Variants in SPTLC3 observed in about 807,000 individuals in gnomAD.
SPTLC3 encodes serine palmitoyltransferase 3.
In SPTLC3, 36 loss-of-function variants were observed where a neutral mutation model predicts 59.3. The observed-to-expected ratio is 0.61, with a 90% confidence interval of 0.47 to 0.80. SPTLC3 has a LOEUF of 0.80. Ranked by LOEUF, SPTLC3 falls within the 30% of genes least tolerant of loss-of-function variation. SPTLC3 has a pLI of 0.00. For missense variants in SPTLC3, 625 were observed against 685.1 expected, an observed-to-expected ratio of 0.91 and a Z score of 0.98; for synonymous variants, 257 against 240.8, an observed-to-expected ratio of 1.07 and a Z score of -0.62.
chr20:13,054,430 A>G (rs1987632074), intron 2 of SPTLC3, among the ~76,000 whole-genome samples: 1 of 152,162 alleles, frequency 6.6e-6, no homozygotes, highest in African/African-American at 2.4e-5. Flanking sequence ...AGACATTAAG[A>G]GGTTGATGCA....
intron 4 of SPTLC3, among the ~76,000 whole-genome samples, chr20:13,084,079 G>A (rs192749718): frequency 1.3e-4 from 20 of 152,202 alleles, no homozygotes; most frequent in African/African-American, 2.9e-4. Flanking sequence ...TCTCTGCTTC[G>A]CATACCTTGA....
rs561558915 is a variant in SPTLC3 at position 13,064,284 on chromosome 20, GTTTTGTTTTTGTTTTTGT to G, written c.304-7944_304-7927del. 4.9e-3 allele frequency among the ~76,000 whole-genome samples: 646 copies of G among 132,522 alleles called. 14 individuals are homozygous for G. The highest frequency in any genetic ancestry group is 0.018 in the African/African-American group (606 of 34,440). The allele number at this position is 132,522 out of a possible 152,430, so 86.9% of individuals were successfully genotyped here. A position where few individuals can be genotyped will look rare whatever the true frequency, so the allele number is the denominator to read the frequency against. On this transcript the variant is annotated intron_variant, in intron 2 of 11. Transcript: ENST00000399002. ...CTTTTTCCTTTTCTTTTTTTTTTTTGTTTTGTTTTTGTTTTTGTTTTTGTTTTTGTTTTTGTTTTTGTT... is the reference window on the plus strand; with the variant it reads ...CTTTTTCCTTTTCTTTTTTTTTTTTGTTTTGTTTTTGTTTTTGTTTTTGTT...
intron 7 of SPTLC3, among the ~76,000 whole-genome samples, chr20:13,111,454 C>G (rs1990228002): frequency 6.6e-6 from 1 of 152,148 alleles, no homozygotes; most frequent in Non-Finnish European, 1.5e-5. Context: ...GCCAAGCATC[C>G]TACGATGCAT....
At chr20:13,091,519 G>T (rs1056412545) in intron 5 of SPTLC3, among the ~76,000 whole-genome samples, 5 of 151,126 alleles carry the variant, frequency 3.3e-5, no homozygotes, top group Non-Finnish European at 7.4e-5. Context: ...GTTGCAATGA[G>T]CCGAGATCGG....
At chr20:13,070,324 T>C (rs1988390058) in intron 2 of SPTLC3, among the ~76,000 whole-genome samples, 1 of 152,214 alleles carries the variant, frequency 6.6e-6, no homozygotes, top group South Asian at 2.1e-4. Context: ...AGTATACTTT[T>C]TCCCCAAGAA....
chr20:13,010,728 T>A (rs1462188103), intron 1 of SPTLC3, among the ~76,000 whole-genome samples: 1 of 152,226 alleles, frequency 6.6e-6, no homozygotes, highest in Non-Finnish European at 1.5e-5. Context: ...CTGGAATGCC[T>A]GTAACTCACA....
chr20:13,029,201 T>G (rs1986306385), intron 1 of SPTLC3, among the ~76,000 whole-genome samples: 1 of 152,164 alleles, frequency 6.6e-6, no homozygotes, highest in Admixed American at 6.6e-5. Flanking sequence ...TGGTTCATTC[T>G]TAGCAAGACA....
chr20:13,039,113 G>T (rs1320074696), intron 1 of SPTLC3, among the ~76,000 whole-genome samples: 2 of 152,090 alleles, frequency 1.3e-5, no homozygotes, highest in Non-Finnish European at 2.9e-5. Flanking sequence ...GGGGAGACGT[G>T]TTCCATAGAT....
At position 13,040,682 on chromosome 20, in the gene SPTLC3, C is replaced by T. The variant is rs114939089; in HGVS notation, c.118-8263C>T. 1.4e-3 allele frequency among the ~76,000 whole-genome samples: 208 copies of T among 145,510 alleles called. 1 individual carries two copies. Among genetic ancestry groups the T allele is most frequent in the African/African-American group, 5.0e-3 (199 of 40,134 alleles). The stretch of plus-strand genomic sequence containing the variant: ...TCATAATCACCTTTGCCTGTGCCCC[C>T]TTTTTTTTTTTTGGTTGGATTTGAA... On this transcript the variant is annotated intron_variant, in intron 1 of 11. Coordinates refer to ENST00000399002, the MANE Select transcript of SPTLC3 (RefSeq NM_018327.4).
intron 2 of SPTLC3, among the ~76,000 whole-genome samples, chr20:13,067,161 G>A (rs1368782123): frequency 7.9e-6 from 1 of 126,996 alleles, no homozygotes; most frequent in Non-Finnish European, 1.7e-5. Flanking sequence ...AGTTTTCCAG[G>A]GCCAGTAGAT....
rs150175752 is a variant in SPTLC3, at chr20:13,043,028, C to G, written c.118-5917C>G. Among the ~76,000 whole-genome samples the G allele has an allele frequency of 8.2e-3, 1,253 of 152,214 alleles. 16 individuals carry two copies. The highest frequency in any genetic ancestry group is 0.028 in the African/African-American group (1,179 of 41,522). On this transcript the variant is annotated intron_variant, in intron 1 of 11. Coordinates refer to ENST00000399002, the MANE Select transcript of SPTLC3 (RefSeq NM_018327.4). ...ACACCATATAATGTTTAAAGTAAATCTCTTATTCTATAACACTCACAGTGG... is the reference window on the plus strand; with the variant it reads ...ACACCATATAATGTTTAAAGTAAATGTCTTATTCTATAACACTCACAGTGG...
intron 7 of SPTLC3, 95 bp downstream of exon 7, chr20:13,110,312 G>A: frequency 1.9e-6 from 2 of 1,051,122 alleles, no homozygotes; most frequent in Non-Finnish European, 1.4e-6. Context: ...ACAGAGAAAT[G>A]ACTTAGAATT....
At chr20:13,104,004 T>G (rs750396172) in intron 6 of SPTLC3, among the ~76,000 whole-genome samples, 21 of 152,168 alleles carry the variant, frequency 1.4e-4, no homozygotes, top group Non-Finnish European at 3.1e-4. Context: ...TTGCTATTAT[T>G]AGGGTTTTGA....
chr20:13,019,700 A>G (rs1985765047), intron 1 of SPTLC3, among the ~76,000 whole-genome samples: 1 of 152,194 alleles, frequency 6.6e-6, no homozygotes, highest in South Asian at 2.1e-4. Flanking sequence ...CTCAGATTTC[A>G]TAGTCAGTGG....
intron 2 of SPTLC3, among the ~76,000 whole-genome samples, chr20:13,064,141 T>A (rs372386768): frequency 6.6e-6 from 1 of 151,466 alleles, no homozygotes; most frequent in African/African-American, 2.4e-5. Context: ...GTGATTCTCC[T>A]GCCTCAGCCT....
chr20:13,122,062 C>A (rs982412504), intron 8 of SPTLC3, among the ~76,000 whole-genome samples: 2 of 152,192 alleles, frequency 1.3e-5, no homozygotes, highest in Non-Finnish European at 2.9e-5. Flanking sequence ...CTACACTTGT[C>A]CCTGAGAATG....
intron 7 of SPTLC3, among the ~76,000 whole-genome samples, chr20:13,110,738 C>T (rs937832385): frequency 6.6e-6 from 1 of 152,126 alleles, no homozygotes; most frequent in Admixed American, 6.5e-5. Context: ...GTTCCAGAGC[C>T]AGCGGGTAGG....
intron 10 of SPTLC3, 116 bp downstream of exon 10, chr20:13,154,254 C>A: frequency 7.5e-7 from 1 of 1,335,204 alleles, no homozygotes; most frequent in Non-Finnish European, 1.0e-6. Context: ...TCAGAATTCA[C>A]TCGTACGGCT....
At chr20:13,046,289 A>T (rs570058930) in intron 1 of SPTLC3, among the ~76,000 whole-genome samples, 4 of 152,092 alleles carry the variant, frequency 2.6e-5, no homozygotes, top group Non-Finnish European at 5.9e-5. Flanking sequence ...CTTTTCTCCT[A>T]CATTCCTCAG....
Sources: allele counts gnomAD v4.1 joint callset (sites outside exome capture counted in the v4.1 genomes callset), GRCh38; gene constraint gnomAD v4.1.1; transcripts MANE v1.5; gene names NCBI Gene and HGNC (gene_info 2026-07-23, HGNC 2026-07-21).